Variants in TRUB1 observed in about 807,000 individuals in gnomAD.
TRUB1 encodes pseudouridylate synthase TRUB1.
TRUB1 carries 23 observed loss-of-function variants against 33.9 expected under a neutral mutation model. The ratio of observed to expected loss-of-function variants is 0.68; its 90% CI spans 0.49 to 0.96. TRUB1 has a LOEUF of 0.96. Among genes scored for constraint, TRUB1 ranks in the 40% least tolerant of loss-of-function variants. TRUB1 has a pLI of 0.00. For missense variants in TRUB1, 378 were observed against 422.2 expected (o/e 0.90, Z 0.92); for synonymous variants, 163 against 165.4 (o/e 0.99, Z 0.11).
intron 1 of TRUB1, among the ~76,000 whole-genome samples, chr10:114,941,304 A>G (rs2084185582): frequency 6.6e-6 from 1 of 151,922 alleles, no homozygotes; most frequent in African/African-American, 2.4e-5. Flanking sequence ...CTGTCTCCCC[A>G]AAGTACTTTC....
intron 2 of TRUB1, among the ~76,000 whole-genome samples, chr10:114,945,921 TATG>T (rs1428850621): frequency 1.3e-5 from 2 of 152,224 alleles, no homozygotes; most frequent in South Asian, 2.1e-4. Flanking sequence ...CAGGGAATTT[TATG>T]ATGATATAAT....
intron 4 of TRUB1, among the ~76,000 whole-genome samples, chr10:114,965,233 A>G (rs533620553): frequency 1.7e-4 from 26 of 151,894 alleles, no homozygotes; most frequent in African/African-American, 6.0e-4. Flanking sequence ...CCAGCCTTAC[A>G]GGTTTTTTTT....
chr10:114,951,852 C>T (rs1011613348), intron 3 of TRUB1, among the ~76,000 whole-genome samples: 17 of 151,962 alleles, frequency 1.1e-4, no homozygotes, highest in African/African-American at 2.4e-4. Context: ...CAAGAGGTAG[C>T]GAAAAATTTC....
chr10:114,970,136 A>G lies in TRUB1; in HGVS notation c.524-232A>G, dbSNP rs553044057. 3.9e-5 allele frequency among the ~76,000 whole-genome samples: 6 copies of G among 152,334 alleles called. No individual in the cohort carries two copies. The East Asian group carries it at 1.2e-3, about 29-fold the overall frequency. ...ATTGCATTATTTTTATTGGAGAAAA[A>G]TTGAAGCAAATGAAATTGTTTTAAT... is the stretch of plus-strand genomic sequence containing the variant. On this transcript the variant is annotated intron_variant, in intron 4 of 7. Coordinates refer to ENST00000298746, the MANE Select transcript of TRUB1 (RefSeq NM_139169.5).
intron 3 of TRUB1, among the ~76,000 whole-genome samples, chr10:114,956,109 G>C (rs2084260605): frequency 6.6e-6 from 1 of 152,208 alleles, no homozygotes; most frequent in South Asian, 2.1e-4. Context: ...TGCTGCTAGA[G>C]ATGTCTAGCT....
intron 3 of TRUB1, among the ~76,000 whole-genome samples, chr10:114,954,178 A>G (rs1592050525): frequency 6.6e-6 from 1 of 152,300 alleles, no homozygotes; most frequent in East Asian, 1.9e-4. Flanking sequence ...GCAACTAGAA[A>G]AATTAGACTT....
intron 2 of TRUB1, among the ~76,000 whole-genome samples, chr10:114,949,837 T>G (rs2084226336): frequency 6.6e-6 from 1 of 152,138 alleles, no homozygotes; most frequent in South Asian, 2.1e-4. Flanking sequence ...GACAAAGTTC[T>G]TAGTCTCTTA....
intron 2 of TRUB1, among the ~76,000 whole-genome samples, chr10:114,947,228 T>C (rs1347068378): frequency 6.6e-6 from 1 of 151,858 alleles, no homozygotes; most frequent in African/African-American, 2.4e-5. Flanking sequence ...GATTCTCCCC[T>C]AGCACCTCCA....
chr10:114,943,570 G>A (rs2084198660), intron 2 of TRUB1, among the ~76,000 whole-genome samples: 2 of 151,854 alleles, frequency 1.3e-5, no homozygotes, highest in African/African-American at 4.9e-5. Flanking sequence ...TGGGCACTGA[G>A]TTTCTAATGA....
At chr10:114,970,980 A>G (rs2084334357) in intron 5 of TRUB1, among the ~76,000 whole-genome samples, 1 of 152,230 alleles carries the variant, frequency 6.6e-6, no homozygotes, top group African/African-American at 2.4e-5. Flanking sequence ...ACAAAATAAC[A>G]TAAACTGGGT....
intron 3 of TRUB1, 40 bp downstream of exon 3, chr10:114,951,189 T>G (rs200460525): frequency 1.4e-5 from 21 of 1,512,434 alleles, no homozygotes; most frequent in Non-Finnish European, 1.6e-5. Flanking sequence ...TTTAATGTTC[T>G]TAATGATCTA....
chr10:114,949,138 A>G (rs577807318), intron 2 of TRUB1, among the ~76,000 whole-genome samples: 1 of 152,040 alleles, frequency 6.6e-6, no homozygotes, highest in Non-Finnish European at 1.5e-5. Flanking sequence ...GAGCACTGTG[A>G]TTTTTCTGTA....
intron 1 of TRUB1, among the ~76,000 whole-genome samples, chr10:114,939,736 A>AT (rs1423925316): frequency 6.6e-6 from 1 of 151,860 alleles, no homozygotes; most frequent in East Asian, 1.9e-4. Flanking sequence ...TGCATCAAGG[A>AT]TATGTATTGT....
At chr10:114,942,538 C>A in intron 1 of TRUB1, 107 bp from the exon 2 acceptor site, 1 of 700,382 alleles carries the variant, frequency 1.4e-6, no homozygotes, top group Non-Finnish European at 2.5e-6. Context: ...TTGTATAATA[C>A]TTTTTGTTTG....
At chr10:114,959,844 A>T in intron 4 of TRUB1, 37 bp downstream of exon 4, 1 of 1,316,686 alleles carries the variant, frequency 7.6e-7, no homozygotes, top group Non-Finnish European at 1.1e-6. Context: ...CTTTTCTAAC[A>T]TTTAGGAAAA....
At chr10:114,965,942 G>A (rs1267565598) in intron 4 of TRUB1, among the ~76,000 whole-genome samples, 1 of 152,052 alleles carries the variant, frequency 6.6e-6, no homozygotes, top group East Asian at 1.9e-4. Flanking sequence ...GCTCAGCCAT[G>A]ATGTCCCACC....
At chr10:114,940,709 A>G (rs1434315376) in intron 1 of TRUB1, among the ~76,000 whole-genome samples, 1 of 152,214 alleles carries the variant, frequency 6.6e-6, no homozygotes, top group Non-Finnish European at 1.5e-5. Flanking sequence ...ATATTTGGGC[A>G]CAAAGGGAAG....
intron 3 of TRUB1, among the ~76,000 whole-genome samples, chr10:114,958,813 T>C (rs371769591): frequency 1.2e-4 from 18 of 152,328 alleles, no homozygotes; most frequent in African/African-American, 4.3e-4. Context: ...TCCTGAGATC[T>C]TAAGTAGTAA....
At chr10:114,973,458 GC>G (rs1409508944) in intron 6 of TRUB1, among the ~76,000 whole-genome samples, 1 of 152,258 alleles carries the variant, frequency 6.6e-6, no homozygotes, top group Non-Finnish European at 1.5e-5. Flanking sequence ...TTCAGCAGTG[GC>G]CCCCAACCAT....
Sources: allele counts gnomAD v4.1 joint callset (sites outside exome capture counted in the v4.1 genomes callset), GRCh38; gene constraint gnomAD v4.1.1; transcripts MANE v1.5; gene names NCBI Gene and HGNC (gene_info 2026-07-23, HGNC 2026-07-21).